Variants in TRPM4 observed in about 807,000 individuals in gnomAD.
The protein encoded by TRPM4 is transient receptor potential cation channel subfamily M member 4.
A neutral mutation model predicts 135.6 loss-of-function variants in TRPM4; 124 were observed. That is an observed-to-expected ratio of 0.91 (90% CI 0.79 to 1.06). The LOEUF (loss-of-function observed/expected upper bound fraction) is 1.06, where lower values mean the gene tolerates loss of function less well. Ranked by LOEUF, TRPM4 falls within the 50% of genes least tolerant of loss-of-function variation. The pLI, the probability that TRPM4 is intolerant of heterozygous loss-of-function variation, is 0.00. For missense variants in TRPM4, 1,658 were observed against 1,671.4 expected (o/e 0.99, Z 0.14); for synonymous variants, 745 against 705.6 (o/e 1.06, Z -0.88).
At chr19:49,182,451 CCCATCCATCCATCCATCCATCCAT>C (rs61258103) in intron 10 of TRPM4, 103 bp from the exon 11 acceptor site, 11 of 687,774 alleles carry the variant, frequency 1.6e-5, no homozygotes, top group African/African-American at 5.9e-5. Context: ...CATCCATCCA[CCCATCCATCCATCCATCCATCCAT>C]CCATCCATCC....
rs777121141 is a variant in TRPM4, at chr19:49,200,656, G to A, written c.2824G>A (p.Val942Ile). ...CCTCTTCTTCCTCGGCGTGTGGCTG[G>A]TAGCCTATGGCGTGGCCACGGAGGG... ...FFLFFLGVWLVAYGVATEGLL... is the reference protein window; with the variant it reads ...FFLFFLGVWLIAYGVATEGLL... Residue 942 changes from valine to isoleucine, a missense_variant, in exon 19 of 25, where the codon GTA (valine) becomes ATA (isoleucine). Around this residue, in one of 3 missense-constraint regions of TRPM4, gnomAD observed 1,412 missense variants for 1,408.7 expected, o/e 1.00. Transcript: ENST00000252826. 1 of 1,613,856 alleles carries A rather than the reference G, an allele frequency of 6.2e-7. No homozygotes were observed. The highest frequency in any genetic ancestry group is 8.5e-7 in the Non-Finnish European group (1 of 1,180,020).
At chr19:49,193,910 C>T (rs2123020797) in intron 16 of TRPM4, among the ~76,000 whole-genome samples, 1 of 150,458 alleles carries the variant, frequency 6.6e-6, no homozygotes, top group East Asian at 2.0e-4. Context: ...TCCTCCTCGT[C>T]ATCCTCCTTC....
rs777409336 is a variant in TRPM4 at position 49,196,503 on chromosome 19, C to G, written c.2274C>G (p.Cys758Trp). 3.3e-6 allele frequency: 5 copies of G among 1,534,724 alleles called. No homozygotes were observed. The East Asian group carries it at 7.2e-5, about 22-fold the overall frequency. ...GVPRQSGRPG[C>W]CGGRCGGRRC... Reference sequence around the variant, plus strand: ...CGCGCCAGTCGGGCCGTCCGGGTTGCTGCGGGGGCCGCTGCGGGGGGCGCC... The same window carrying G: ...CGCGCCAGTCGGGCCGTCCGGGTTGGTGCGGGGGCCGCTGCGGGGGGCGCC... Residue 758 changes from cysteine (C) to tryptophan (W), a missense_variant, in exon 17 of 25, where the codon TGC (cysteine) becomes TGG (tryptophan). By Grantham distance (215) the Cys-to-Trp change is radical (BLOSUM62 -2). Transcript: ENST00000252826.
chr19:49,178,180 G>T (rs578101541), intron 9 of TRPM4, among the ~76,000 whole-genome samples: 12 of 152,096 alleles, frequency 7.9e-5, no homozygotes, highest in Non-Finnish European at 1.5e-4. Flanking sequence ...AAAATTAGCT[G>T]GGTATGGTAC....
At position 49,189,086 on chromosome 19, in the gene TRPM4, G is replaced by A; in HGVS notation, c.2014G>A (p.Val672Ile). Residue 672 changes from valine (V) to isoleucine (I), a missense_variant, in exon 14 of 25, where the codon GTA (valine) becomes ATA (isoleucine). Transcript: ENST00000252826. ...CCGTGCCTTCTTTGCCCAGGATGGG[G>A]TACAGGTGAGTATCTGCGACACCAA... ...DARAFFAQDG[V>I]QSLLTQKWWG... 6.2e-7 allele frequency: 1 copy of A among 1,614,130 alleles called. No individual in the cohort carries two copies. The highest frequency in any genetic ancestry group is 8.5e-7 in the Non-Finnish European group (1 of 1,180,030).
intron 12 of TRPM4, 25 bp downstream of exon 12, chr19:49,183,237 C>T: frequency 6.2e-7 from 1 of 1,613,858 alleles, no homozygotes; most frequent in Middle Eastern, 1.7e-4. Context: ...GGCGCTCCTG[C>T]ATCCCTGTCC....
Position 49,190,781 on chromosome 19 carries a change from G to A in TRPM4, c.2210+8G>A. 1.2e-6 allele frequency: 2 copies of A among 1,614,008 alleles called. No individual in the cohort carries two copies. Among genetic ancestry groups the A allele is most frequent in the Non-Finnish European group, 1.7e-6 (2 of 1,179,896 alleles). On this transcript the variant is annotated splice_region_variant and intron_variant, in intron 16 of 24. Transcript: ENST00000252826. ...TGGGGAAGGGCCTGTCGGGTGAGTG[G>A]AGCCTCCAGCACTGTGTGAGGTGGG... is the stretch of plus-strand genomic sequence containing the variant.
At chr19:49,158,317 G>A (rs985437286) in intron 2 of TRPM4, 58 bp downstream of exon 2, 10 of 1,502,218 alleles carry the variant, frequency 6.7e-6, no homozygotes, top group Non-Finnish European at 8.3e-6. Flanking sequence ...GACCCCGCCC[G>A]CGGATGGTCA....
chr19:49,207,562 C>G (rs1969193928), intron 20 of TRPM4, among the ~76,000 whole-genome samples: 1 of 140,298 alleles, frequency 7.1e-6, no homozygotes, highest in African/African-American at 2.7e-5. Flanking sequence ...CCCAGGAGGT[C>G]AAGGCTGTGG....
At position 49,181,344 on chromosome 19, in the gene TRPM4, T is replaced by G; in HGVS notation, c.1151-5T>G. 1 of 1,610,692 alleles carries G rather than the reference T, an allele frequency of 6.2e-7. No individual in the cohort carries two copies. Among genetic ancestry groups the G allele is most frequent in the Non-Finnish European group, 8.5e-7 (1 of 1,177,116 alleles). The stretch of plus-strand genomic sequence containing the variant: ...TCTTGTCCCCTCTCCCTCTAATCCT[T>G]CCAGCCTGTGGGAGCTCGGAGGCCT... On this transcript the variant is annotated splice_polypyrimidine_tract_variant and splice_region_variant and intron_variant, in intron 9 of 24. Coordinates refer to ENST00000252826, the MANE Select transcript of TRPM4 (RefSeq NM_017636.4).
chr19:49,188,930 AACTC>A lies in TRPM4; in HGVS notation c.1874-15_1874-12del. ...TCCTTCCCATCCCTGTCACATAACT[AACTC>A]CTCTGCCCCAGACCTCTTTGGCGAG... On this transcript the variant is annotated splice_polypyrimidine_tract_variant and intron_variant, in intron 13 of 24. Coordinates refer to ENST00000252826, the MANE Select transcript of TRPM4 (RefSeq NM_017636.4). 6.2e-7 allele frequency: 1 copy of A among 1,613,976 alleles called. No homozygotes were observed. Among genetic ancestry groups the A allele is most frequent in the Middle Eastern group, 1.6e-4 (1 of 6,062 alleles).
In TRPM4 at chr19:49,171,910, G is replaced by T; in HGVS notation, c.1051-99G>T. ...AGGGTGCTGGGCATATAGACTATTAGGTCCTGGAGGGGAATGGCCTCCTCC... is the reference window on the plus strand; with the variant it reads ...AGGGTGCTGGGCATATAGACTATTATGTCCTGGAGGGGAATGGCCTCCTCC... On this transcript the variant is annotated intron_variant, in intron 8 of 24. Coordinates refer to ENST00000252826, the MANE Select transcript of TRPM4 (RefSeq NM_017636.4). This position sits in a 1 kb window ranked among gnomAD's most constrained non-coding sequence, Gnocchi z 4.7. 7.3e-7 allele frequency: 1 copy of T among 1,365,264 alleles called. No homozygotes were observed. Among genetic ancestry groups the T allele is most frequent in the Non-Finnish European group, 1.0e-6 (1 of 957,518 alleles). 84.6% of individuals were successfully genotyped at this position (1,365,264 alleles called of 1,614,324 possible).
chr19:49,179,458 C>A (rs1214353868), intron 9 of TRPM4, among the ~76,000 whole-genome samples: 1 of 150,946 alleles, frequency 6.6e-6, no homozygotes. Context: ...TCAAGCGATT[C>A]TCCTGCTCAG....
intron 2 of TRPM4, among the ~76,000 whole-genome samples, chr19:49,162,283 A>G (rs1028043564): frequency 3.9e-5 from 6 of 152,166 alleles, no homozygotes. Context: ...TCACAGCTGT[A>G]ATCCCAGCAG....
chr19:49,178,894 C>T (rs1314106505), intron 9 of TRPM4, among the ~76,000 whole-genome samples: 1 of 148,482 alleles, frequency 6.7e-6, no homozygotes, highest in Admixed American at 6.7e-5. Flanking sequence ...GAGTAGCTGG[C>T]ACTACAGGCG....
chr19:49,160,416 G>A (rs764318356), intron 2 of TRPM4, among the ~76,000 whole-genome samples: 2 of 151,284 alleles, frequency 1.3e-5, no homozygotes, highest in African/African-American at 4.9e-5. Flanking sequence ...CCTGGGAGAC[G>A]GAGGCTACTA....
intron 17 of TRPM4, among the ~76,000 whole-genome samples, chr19:49,198,723 G>T (rs1175804): frequency 2.7e-5 from 4 of 148,676 alleles, no homozygotes; most frequent in African/African-American, 9.9e-5. Context: ...CCTTTGTTTC[G>T]CCAGTTCCCT....
intron 20 of TRPM4, among the ~76,000 whole-genome samples, chr19:49,203,957 C>T (rs895121182): frequency 3.3e-5 from 5 of 152,104 alleles, no homozygotes; most frequent in Admixed American, 2.0e-4. Context: ...GCAGGACCCC[C>T]TTTTTACTAA....
At chr19:49,192,982 C>G (rs76997232) in intron 16 of TRPM4, among the ~76,000 whole-genome samples, 1,660 of 151,898 alleles carry the variant, frequency 0.011, 26 homozygotes, top group African/African-American at 0.036. Flanking sequence ...AATTTCTCAT[C>G]TGCACATGTG....
Sources: allele counts gnomAD v4.1 joint callset (sites outside exome capture counted in the v4.1 genomes callset), GRCh38; gene constraint gnomAD v4.1.1; regional missense constraint gnomAD v4.1.1; non-coding constraint Gnocchi (gnomAD v3.1); transcripts MANE v1.5; gene names NCBI Gene and HGNC (gene_info 2026-07-23, HGNC 2026-07-21).